The following OR4E2 variants were observed in gnomAD, a reference collection of about 807,000 sequenced individuals.
The protein encoded by OR4E2 is olfactory receptor 4E2.
In OR4E2, 9 loss-of-function variants were observed where a neutral mutation model predicts 11.0. That is an observed-to-expected ratio of 0.82 (90% CI 0.49 to 1.43). OR4E2 has a LOEUF of 1.43. Among genes scored for constraint, OR4E2 ranks in the 40% most tolerant of loss-of-function variants. The pLI, the probability that OR4E2 is intolerant of heterozygous loss-of-function variation, is 0.00. For missense variants in OR4E2, 441 were observed against 382.0 expected (o/e 1.15, Z -1.29); for synonymous variants, 159 against 147.3 (o/e 1.08, Z -0.57).
intron 3 of OR4E2, among the ~76,000 whole-genome samples, chr14:21,662,422 C>T (rs1880381275): frequency 6.6e-6 from 1 of 152,112 alleles, no homozygotes; most frequent in Non-Finnish European, 1.5e-5. Context: ...CTGCCTCAGC[C>T]TCCTGAGTAG....
chr14:21,655,250 C>A (rs1288903332), intron 1 of OR4E2, among the ~76,000 whole-genome samples: 1 of 152,072 alleles, frequency 6.6e-6, no homozygotes, highest in South Asian at 2.1e-4. Flanking sequence ...AAGCAGAATC[C>A]AAATTTATAT....
Position 21,665,810 on chromosome 14 carries a change from A to T in OR4E2, c.728A>T (p.His243Leu). Reference sequence around the variant, plus strand: ...AAAGCCCTGTCTACCTGCTCGGCCCACTTCATGGTGGTTGCCCTCTTCTTT... The same window carrying T: ...AAAGCCCTGTCTACCTGCTCGGCCCTCTTCATGGTGGTTGCCCTCTTCTTT... ...RRKALSTCSA[H>L]FMVVALFFGP... The change falls in exon 4 of 4, where the codon CAC becomes CTC. Residue 243 changes from histidine to leucine, a missense_variant. By Grantham distance (99) the His-to-Leu change is moderately conservative. Transcript: ENST00000641524. The T allele has an allele frequency of 1.2e-6, 2 of 1,612,376 alleles. No individual in the cohort carries two copies. Among genetic ancestry groups the T allele is most frequent in the Non-Finnish European group, 1.7e-6 (2 of 1,179,266 alleles).
chr14:21,654,162 G>T (rs1594539928), intron 1 of OR4E2, among the ~76,000 whole-genome samples: 1 of 151,980 alleles, frequency 6.6e-6, no homozygotes, highest in Admixed American at 6.6e-5. Flanking sequence ...CATGATTATT[G>T]TTACTTATTT....
intron 3 of OR4E2, among the ~76,000 whole-genome samples, chr14:21,662,649 T>A (rs991461091): frequency 3.9e-5 from 6 of 152,170 alleles, no homozygotes; most frequent in African/African-American, 1.4e-4. Context: ...CTTTATCTCA[T>A]TTTTATTCAT....
intron 3 of OR4E2, among the ~76,000 whole-genome samples, chr14:21,662,839 T>C (rs990974501): frequency 2.6e-5 from 4 of 152,222 alleles, no homozygotes; most frequent in African/African-American, 7.2e-5. Flanking sequence ...TTAGCTTTTT[T>C]CATAGTTTGA....
rs572299687 is a variant in OR4E2, at chr14:21,663,075, C to T, written c.-8-2000C>T. On this transcript the variant is annotated intron_variant, in intron 3 of 3. Transcript: ENST00000641524. Reference sequence around the variant, plus strand: ...AGGAAGGCTTGAGTTCTTTTTCAGGCTGCCTAAGAAGTTAGGTTCAGTTCA... The same window carrying T: ...AGGAAGGCTTGAGTTCTTTTTCAGGTTGCCTAAGAAGTTAGGTTCAGTTCA... Among the ~76,000 whole-genome samples, 19 of 152,280 alleles carry T rather than the reference C, an allele frequency of 1.2e-4. No homozygotes were observed. The South Asian group carries it at 3.3e-3, about 27-fold the overall frequency.
Position 21,666,307 on chromosome 14 carries a change from G to C in OR4E2, c.*283G>C. The C allele has an allele frequency of 3.1e-6, 1 of 318,250 alleles. No individual in the cohort carries two copies. Among genetic ancestry groups the C allele is most frequent in the South Asian group, 3.9e-5 (1 of 25,698 alleles). 19.7% of individuals were successfully genotyped at this position (318,250 alleles called of 1,614,324 possible). On this transcript the variant is annotated 3_prime_UTR_variant, in exon 4 of 4. Transcript: ENST00000641524. Reference sequence around the variant, plus strand: ...TTTCATCAGTAAAAGAATACAATTTGGGGAACTCAGTTCAGTCTCAGTTTC... The same window carrying C: ...TTTCATCAGTAAAAGAATACAATTTCGGGAACTCAGTTCAGTCTCAGTTTC...
chr14:21,659,730 G>A (rs946708975), intron 2 of OR4E2, among the ~76,000 whole-genome samples: 2 of 152,124 alleles, frequency 1.3e-5, no homozygotes, highest in African/African-American at 4.8e-5. Context: ...TATGTATTGA[G>A]CAACTGCTAT....
In OR4E2 at chr14:21,667,132, A is replaced by G. The variant is rs1033589641; in HGVS notation, c.*1108A>G. 1.3e-5 allele frequency: 2 copies of G among 152,196 alleles called. No individual in the cohort carries two copies. The highest frequency in any genetic ancestry group is 2.4e-5 in the African/African-American group (1 of 41,454). The allele number at this position is 152,196 out of a possible 1,614,324, so 9.4% of individuals were successfully genotyped here. On this transcript the variant is annotated 3_prime_UTR_variant, in exon 4 of 4. Transcript: ENST00000641524. Reference sequence around the variant, plus strand: ...GATGGTCAGAGAGCTACCATACAATATCAACTTTAATGGAGCTGATGGAAT... The same window carrying G: ...GATGGTCAGAGAGCTACCATACAATGTCAACTTTAATGGAGCTGATGGAAT...
intron 2 of OR4E2, among the ~76,000 whole-genome samples, chr14:21,658,221 T>A (rs2139801552): frequency 6.6e-6 from 1 of 152,250 alleles, no homozygotes; most frequent in Non-Finnish European, 1.5e-5. Flanking sequence ...ACAAAACACC[T>A]CTGAAGCTTA....
intron 3 of OR4E2, among the ~76,000 whole-genome samples, chr14:21,661,550 T>A (rs1344795084): frequency 6.6e-6 from 1 of 152,146 alleles, no homozygotes; most frequent in Non-Finnish European, 1.5e-5. Context: ...CTCCAAGGAG[T>A]ATTAATAGTG....
At position 21,659,160 on chromosome 14, in the gene OR4E2, G is replaced by A. The variant is rs544850325; in HGVS notation, c.-102-1493G>A. ...AAATGTTTCTCCTGCTTCAGTCTCT[G>A]GAGTAGCTAGGACTATAGACATGTG... On this transcript the variant is annotated intron_variant, in intron 2 of 3. Coordinates refer to ENST00000641524, the MANE Select transcript of OR4E2 (RefSeq NM_001001912.3). Among the ~76,000 whole-genome samples the A allele has an allele frequency of 4.7e-4, 71 of 152,108 alleles. 1 individual carries two copies. The South Asian group carries it at 0.014, about 30-fold the overall frequency.
chr14:21,657,478 TC>T (rs1880057227), intron 2 of OR4E2, among the ~76,000 whole-genome samples: 2 of 119,570 alleles, frequency 1.7e-5, no homozygotes, highest in African/African-American at 6.1e-5. Flanking sequence ...CTTCCTTCCT[TC>T]CTTCCTTCCT....
At chr14:21,655,577 G>A (rs970797995) in intron 1 of OR4E2, among the ~76,000 whole-genome samples, 62 of 152,166 alleles carry the variant, frequency 4.1e-4, no homozygotes, top group African/African-American at 1.5e-3. Flanking sequence ...GAACGCTGAA[G>A]TGGGAGGATT....
At chr14:21,656,290 G>A (rs1239301312) in intron 1 of OR4E2, among the ~76,000 whole-genome samples, 2 of 152,222 alleles carry the variant, frequency 1.3e-5, no homozygotes, top group East Asian at 3.9e-4. Flanking sequence ...AGCCCAGGAA[G>A]TTGAGGCTGC....
rs999921836 is a variant in OR4E2 at position 21,665,027 on chromosome 14, T to C, written c.-8-48T>C. 11 of 960,674 alleles carry C rather than the reference T, an allele frequency of 1.1e-5. No individual in the cohort carries two copies. In the African/African-American group the frequency reaches 1.5e-4, roughly 13 times the overall value. 59.5% of individuals were successfully genotyped at this position (960,674 alleles called of 1,614,324 possible). A position where few individuals can be genotyped will look rare whatever the true frequency, so the allele number is the denominator to read the frequency against. ...TACAAAGTCATTTCAATTAGTTCTA[T>C]TCCTATAATAATAAAACTAAATTAG... On this transcript the variant is annotated intron_variant, in intron 3 of 3. Coordinates refer to ENST00000641524, the MANE Select transcript of OR4E2 (RefSeq NM_001001912.3).
chr14:21,657,517 T>TTTTCTTTC (rs71115514), intron 2 of OR4E2, among the ~76,000 whole-genome samples: 39 of 120,274 alleles, frequency 3.2e-4, no homozygotes, highest in African/African-American at 1.1e-3. Flanking sequence ...CTTTCTTTGT[T>TTTTCTTTC]TTTCTTTCTT....
intron 3 of OR4E2, among the ~76,000 whole-genome samples, chr14:21,663,740 C>T (rs891320359): frequency 8.5e-5 from 13 of 152,110 alleles, no homozygotes; most frequent in African/African-American, 3.1e-4. Context: ...AAACGTGTGG[C>T]ATGGTGGTTT....
intron 2 of OR4E2, among the ~76,000 whole-genome samples, chr14:21,657,538 TTTC>T: frequency 6.8e-6 from 1 of 147,224 alleles, no homozygotes; most frequent in Non-Finnish European, 1.5e-5. Context: ...TCTTTCTTTC[TTTC>T]TTTTTCTGTC....
Sources: allele counts gnomAD v4.1 joint callset (sites outside exome capture counted in the v4.1 genomes callset), GRCh38; gene constraint gnomAD v4.1.1; transcripts MANE v1.5; gene names NCBI Gene and HGNC (gene_info 2026-07-23, HGNC 2026-07-21).